The following FABP12 variants were observed in gnomAD, a reference collection of about 807,000 sequenced individuals.
The protein encoded by FABP12 is fatty acid-binding protein 12.
FABP12 carries 19 observed loss-of-function variants against 13.7 expected under a neutral mutation model. The observed-to-expected ratio is 1.39, with a 90% CI of 0.97 to 2.04. FABP12 has a LOEUF of 2.04. FABP12 is among the 30% of genes most tolerant of loss of function. The pLI is 0.00. For synonymous variants in FABP12, 61 were observed against 57.0 expected (o/e 1.07, Z -0.32); for missense variants, 182 against 164.2 (o/e 1.11, Z -0.59).
intron 1 of FABP12, among the ~76,000 whole-genome samples, chr8:81,557,859 C>A (rs1267731432): frequency 6.6e-6 from 1 of 152,040 alleles, no homozygotes; most frequent in Non-Finnish European, 1.5e-5. Flanking sequence ...AAATCTCATA[C>A]AGGCCTAATC....
chr8:81,578,502 T>C (rs948059339), intron 1 of FABP12, among the ~76,000 whole-genome samples: 12 of 149,918 alleles, frequency 8.0e-5, no homozygotes, highest in East Asian at 3.9e-4. Flanking sequence ...TTTTTTTTTT[T>C]CGAGACAGAG....
At chr8:81,537,747 C>G (rs760761899), upstream of FABP12, among the ~76,000 whole-genome samples, 1 of 152,150 alleles carries the variant, frequency 6.6e-6, no homozygotes, top group East Asian at 1.9e-4. Flanking sequence ...TGCTGCTACT[C>G]AAATGCACAC....
upstream of FABP12, among the ~76,000 whole-genome samples, chr8:81,536,845 T>C (rs1022811037): frequency 6.6e-6 from 1 of 152,230 alleles, no homozygotes; most frequent in Non-Finnish European, 1.5e-5. Context: ...TTCCTTTACA[T>C]ATTGTCTATG....
intron 1 of FABP12, among the ~76,000 whole-genome samples, chr8:81,543,496 G>A (rs1585842816): frequency 6.6e-6 from 1 of 152,198 alleles, no homozygotes; most frequent in East Asian, 1.9e-4. Flanking sequence ...ATTAATTTAG[G>A]AGATTATTGG....
At chr8:81,534,253 G>A (rs957846955), upstream of FABP12, among the ~76,000 whole-genome samples, 6 of 152,090 alleles carry the variant, frequency 3.9e-5, no homozygotes, top group Non-Finnish European at 8.8e-5. Flanking sequence ...CCTTCCTGCA[G>A]ACCCTTTCCT....
chr8:81,570,816 G>C (rs1393232392), intron 1 of FABP12, among the ~76,000 whole-genome samples: 1 of 152,162 alleles, frequency 6.6e-6, no homozygotes, highest in Non-Finnish European at 1.5e-5. Context: ...CGCACCAATT[G>C]GTTTATGAGT....
At chr8:81,585,798 A>G (rs939629532) in intron 1 of FABP12, among the ~76,000 whole-genome samples, 6 of 152,002 alleles carry the variant, frequency 3.9e-5, no homozygotes, top group African/African-American at 1.4e-4. Context: ...AACTTCTTTG[A>G]TTAAATTGAT....
chr8:81,528,704 A>G (rs1399292636), intron 3 of FABP12, among the ~76,000 whole-genome samples: 2 of 152,150 alleles, frequency 1.3e-5, no homozygotes, highest in Non-Finnish European at 2.9e-5. Context: ...GACTGTAAAC[A>G]ATACGTGTAG....
chr8:81,571,461 G>A (rs1365665352), intron 1 of FABP12, among the ~76,000 whole-genome samples: 1 of 152,338 alleles, frequency 6.6e-6, no homozygotes, highest in Admixed American at 6.5e-5. Context: ...TGCTGCTACT[G>A]CTGCTCCCTC....
intron 1 of FABP12, among the ~76,000 whole-genome samples, chr8:81,542,384 T>C (rs1268373232): frequency 2.0e-5 from 3 of 152,144 alleles, no homozygotes; most frequent in Non-Finnish European, 4.4e-5. Flanking sequence ...GCAACTATCA[T>C]CTTTGGGAAA....
rs1033492339 is a variant in FABP12 at position 81,576,015 on chromosome 8, A to C, written c.-185+14038T>G. On this transcript the variant is annotated intron_variant, in intron 1 of 5. Transcript: ENST00000692030. ...TCTATATAGCTAATCAGAAGCCTTT[A>C]TTTAAAAACAAAACATCTTAGCTGA... Among the ~76,000 whole-genome samples the C allele has an allele frequency of 2.6e-5, 4 of 152,224 alleles. No individual in the cohort carries two copies. In the East Asian group the frequency reaches 7.7e-4, roughly 29 times the overall value.
chr8:81,566,011 A>C (rs1444487753), intron 1 of FABP12, among the ~76,000 whole-genome samples: 1 of 152,096 alleles, frequency 6.6e-6, no homozygotes, highest in African/African-American at 2.4e-5. Flanking sequence ...AAAAACTCAA[A>C]GGATCATTAT....
chr8:81,584,138 A>T (rs1810208210), intron 1 of FABP12, among the ~76,000 whole-genome samples: 1 of 152,220 alleles, frequency 6.6e-6, no homozygotes, highest in South Asian at 2.1e-4. Flanking sequence ...AAAATTCAAC[A>T]TCCTGGAGAG....
At chr8:81,579,939 CA>C (rs1330048721) in intron 1 of FABP12, among the ~76,000 whole-genome samples, 19 of 151,968 alleles carry the variant, frequency 1.3e-4, no homozygotes, top group African/African-American at 4.3e-4. Context: ...GCTATTTTTA[CA>C]AAGGAAAATT....
At chr8:81,535,735 G>A (rs562057979), upstream of FABP12, among the ~76,000 whole-genome samples, 1 of 152,258 alleles carries the variant, frequency 6.6e-6, no homozygotes, top group East Asian at 1.9e-4. Context: ...GAGGAAAATG[G>A]GGGACATTAA....
intron 1 of FABP12, among the ~76,000 whole-genome samples, chr8:81,561,585 A>G (rs907919375): frequency 6.6e-6 from 1 of 152,196 alleles, no homozygotes; most frequent in Non-Finnish European, 1.5e-5. Context: ...AGAGGGTAGG[A>G]AAGACAGTCT....
chr8:81,530,394 T>C (rs1231752415), intron 2 of FABP12, among the ~76,000 whole-genome samples: 1 of 152,216 alleles, frequency 6.6e-6, no homozygotes, highest in Non-Finnish European at 1.5e-5. Context: ...GAACAATTCA[T>C]TTGTTTCCAT....
chr8:81,529,582 G>C lies in FABP12; in HGVS notation c.102C>G (p.Gly34=), dbSNP rs769156176. 71 of 1,613,624 alleles carry C rather than the reference G, an allele frequency of 4.4e-5. No individual in the cohort carries two copies. In the South Asian group the frequency reaches 7.5e-4, roughly 17 times the overall value. ...TGGTCACAGTGGGTTTTGCCAAACG[G>C]CCCAGTTTCCTGCTGGCTCTTCCTA... The change falls in exon 3 of 5, where the codon GGC becomes GGG. Residue 34 remains glycine (G), a synonymous_variant. Transcript: ENST00000360464.
intron 1 of FABP12, among the ~76,000 whole-genome samples, chr8:81,564,776 CA>C (rs1337530750): frequency 6.6e-6 from 1 of 151,752 alleles, no homozygotes; most frequent in African/African-American, 2.4e-5. Flanking sequence ...AAAGGAAAGA[CA>C]AAACTGCAAA....
Sources: gnomAD v4.1 joint callset for allele counts (sites outside exome capture counted in the v4.1 genomes callset) on GRCh38, gnomAD v4.1.1 for gene constraint, MANE v1.5 for transcripts, NCBI Gene and HGNC (gene_info 2026-07-23, HGNC 2026-07-21) for gene names.